Variants in RAB27A observed in about 807,000 individuals in gnomAD.
RAB27A encodes RAB27A, member RAS oncogene family.
A neutral mutation model predicts 20.8 loss-of-function variants in RAB27A; 17 were observed. That is an observed-to-expected ratio of 0.82 (90% CI 0.56 to 1.23). The LOEUF (loss-of-function observed/expected upper bound fraction) is 1.23, where lower values mean the gene tolerates loss of function less well. Ranked by LOEUF, RAB27A falls within the 50% of genes most tolerant of loss-of-function variation. RAB27A has a pLI of 0.00. For synonymous variants in RAB27A, 85 were observed against 92.8 expected, an observed-to-expected ratio of 0.92 and a Z score of 0.48; for missense variants, 277 against 266.7, an observed-to-expected ratio of 1.04 and a Z score of -0.27.
chr15:55,316,181 A>G (rs8025833), intron 1 of RAB27A, among the ~76,000 whole-genome samples: 73,139 of 149,670 alleles, frequency 0.49, 21,116 homozygotes, highest in African/African-American at 0.79. Context: ...GTTGCAGCAA[A>G]CCAATATTGC....
intron 2 of RAB27A, among the ~76,000 whole-genome samples, chr15:55,247,981 G>A (rs147326484): frequency 9.6e-5 from 14 of 146,316 alleles, no homozygotes; most frequent in East Asian, 4.0e-4. Context: ...TGGCCCAGGC[G>A]TGAGTGCAGT....
At chr15:55,284,210 G>A (rs984255214) in intron 1 of RAB27A, among the ~76,000 whole-genome samples, 1 of 152,152 alleles carries the variant, frequency 6.6e-6, no homozygotes, top group African/African-American at 2.4e-5. Context: ...ATAAAATCTT[G>A]TTTAAAAAGA....
At chr15:55,282,662 T>C (rs1388551091) in intron 1 of RAB27A, among the ~76,000 whole-genome samples, 1 of 152,194 alleles carries the variant, frequency 6.6e-6, no homozygotes, top group Non-Finnish European at 1.5e-5. Flanking sequence ...CCCAAGTCCC[T>C]GTGTAACCCT....
At chr15:55,249,603 C>A (rs1896814270) in intron 2 of RAB27A, among the ~76,000 whole-genome samples, 1 of 152,058 alleles carries the variant, frequency 6.6e-6, no homozygotes, top group African/African-American at 2.4e-5. Context: ...TATAAATGTT[C>A]CACGATTATG....
chr15:55,207,736 G>A (rs1417158093), intron 6 of RAB27A, among the ~76,000 whole-genome samples: 1 of 152,040 alleles, frequency 6.6e-6, no homozygotes, highest in Non-Finnish European at 1.5e-5. Context: ...AGGCTGGAGT[G>A]TAATGGTGTG....
At chr15:55,207,827 A>T (rs1894726005) in intron 6 of RAB27A, among the ~76,000 whole-genome samples, 2 of 152,038 alleles carry the variant, frequency 1.3e-5, no homozygotes, top group African/African-American at 4.8e-5. Flanking sequence ...GGACTACAGG[A>T]ACAGGCCACC....
chr15:55,273,552 A>G (rs1897769010), intron 1 of RAB27A, among the ~76,000 whole-genome samples: 1 of 152,152 alleles, frequency 6.6e-6, no homozygotes, highest in Non-Finnish European at 1.5e-5. Flanking sequence ...AAAGGGATGG[A>G]AAAAAATATT....
intron 2 of RAB27A, among the ~76,000 whole-genome samples, chr15:55,244,018 T>G (rs1896592895): frequency 6.6e-6 from 1 of 151,850 alleles, no homozygotes; most frequent in South Asian, 2.1e-4. Context: ...GTGTGAAGCT[T>G]GGGCGGGCAC....
At chr15:55,318,486 C>G (rs2055082169) in intron 1 of RAB27A, among the ~76,000 whole-genome samples, 1 of 150,160 alleles carries the variant, frequency 6.7e-6, no homozygotes, top group South Asian at 2.1e-4. Context: ...GGGCGGATCA[C>G]GAGGTCAGGA....
intron 2 of RAB27A, among the ~76,000 whole-genome samples, chr15:55,258,464 C>A (rs1050975773): frequency 1.3e-5 from 2 of 152,184 alleles, no homozygotes; most frequent in Non-Finnish European, 2.9e-5. Flanking sequence ...TGTCCAGCCA[C>A]CCTGAGGGAC....
chr15:55,264,959 A>G (rs1897409325), intron 2 of RAB27A, among the ~76,000 whole-genome samples: 1 of 152,162 alleles, frequency 6.6e-6, no homozygotes, highest in Non-Finnish European at 1.5e-5. Context: ...CAAGAACTAT[A>G]GGGCCCGGCA....
Position 55,297,491 on chromosome 15 carries a change from C to G in RAB27A, c.-112+16548G>C, listed in dbSNP as rs528415413. Among the ~76,000 whole-genome samples the G allele has an allele frequency of 2.2e-4, 33 of 152,314 alleles. No individual in the cohort carries two copies. The East Asian group carries it at 6.4e-3, about 29-fold the overall frequency. On this transcript the variant is annotated intron_variant, in intron 2 of 5. Transcript: ENST00000563262. ...AACTTTCATAGCACCATGGGGTGAT[C>G]AAGAAGGCAGCTGTCCCCTCCCTAA...
At position 55,204,671 on chromosome 15, in the gene RAB27A, A is replaced by C. The variant is rs1894557757; in HGVS notation, c.*836T>G. 6.6e-6 allele frequency: 1 copy of C among 152,218 alleles called. No homozygotes were observed. Among genetic ancestry groups the C allele is most frequent in the Admixed American group, 6.5e-5 (1 of 15,286 alleles). 9.4% of individuals were successfully genotyped at this position (152,218 alleles called of 1,614,324 possible). A position where few individuals can be genotyped will look rare whatever the true frequency, so the allele number is the denominator to read the frequency against. The stretch of plus-strand genomic sequence containing the variant: ...TTACTCATCGCAAATAACTCGGCAT[A>C]AGCACCAGCTATGTTCAGGTGCGGC... On this transcript the variant is annotated 3_prime_UTR_variant, in exon 7 of 7. Coordinates refer to ENST00000336787, the MANE Select transcript of RAB27A (RefSeq NM_183235.3).
At chr15:55,279,639 G>A (rs951986114) in intron 1 of RAB27A, among the ~76,000 whole-genome samples, 3 of 152,214 alleles carry the variant, frequency 2.0e-5, no homozygotes, top group Admixed American at 1.3e-4. Flanking sequence ...AGGTGGTTGT[G>A]AGAATCAAAT....
At chr15:55,267,765 G>A (rs1897553247) in intron 2 of RAB27A, among the ~76,000 whole-genome samples, 1 of 152,174 alleles carries the variant, frequency 6.6e-6, no homozygotes, top group South Asian at 2.1e-4. Flanking sequence ...ATGGAGGCAG[G>A]AAGAAGACAG....
chr15:55,246,571 T>C (rs1896694328), intron 2 of RAB27A, among the ~76,000 whole-genome samples: 1 of 151,788 alleles, frequency 6.6e-6, no homozygotes, highest in Non-Finnish European at 1.5e-5. Flanking sequence ...GTACTTATAG[T>C]TTGTGACAAG....
intron 1 of RAB27A, among the ~76,000 whole-genome samples, chr15:55,275,624 CA>C (rs1472398639): frequency 2.2e-5 from 3 of 139,092 alleles, no homozygotes; most frequent in African/African-American, 2.7e-5. Flanking sequence ...CACTCCACCT[CA>C]AAAAAAAAGA....
chr15:55,216,013 G>A (rs1895285553), intron 6 of RAB27A, among the ~76,000 whole-genome samples: 1 of 148,472 alleles, frequency 6.7e-6, no homozygotes, highest in Admixed American at 6.7e-5. Context: ...TCAAATCCTA[G>A]TAGTACATCT....
chr15:55,242,765 A>G (rs914533379), intron 2 of RAB27A, among the ~76,000 whole-genome samples: 9 of 152,138 alleles, frequency 5.9e-5, no homozygotes, highest in African/African-American at 2.2e-4. Context: ...TGGTAATTTC[A>G]GACCTAGGAG....
Sources: gnomAD v4.1 joint callset for allele counts (sites outside exome capture counted in the v4.1 genomes callset) on GRCh38, gnomAD v4.1.1 for gene constraint, MANE v1.5 for transcripts, NCBI Gene and HGNC (gene_info 2026-07-23, HGNC 2026-07-21) for gene names.